GPR37: variants seen among roughly 807,000 people sequenced by gnomAD.
GPR37 encodes G protein-coupled receptor 37, also known as prosaposin receptor GPR37.
Under a neutral mutation model 43.6 loss-of-function variants are expected in GPR37, and 20 were observed. That is an observed-to-expected ratio of 0.46 (90% CI 0.32 to 0.67). The LOEUF is 0.67. Among genes scored for constraint, GPR37 ranks in the 30% least tolerant of loss-of-function variants. The pLI is 0.03. For missense variants in GPR37, 724 were observed against 797.2 expected (o/e 0.91, Z 1.11); for synonymous variants, 315 against 322.6 (o/e 0.98, Z 0.25).
At chr7:124,748,654 T>C (rs1584723393) in intron 1 of GPR37, among the ~76,000 whole-genome samples, 1 of 152,040 alleles carries the variant, frequency 6.6e-6, no homozygotes, top group South Asian at 2.1e-4. Context: ...CAAGAAAATA[T>C]GCAGAAAATA....
chr7:124,747,217 C>A lies in GPR37; in HGVS notation c.1150G>T (p.Ala384Ser). The stretch of plus-strand genomic sequence containing the variant: ...AATAGAGCTCCCACCCATATAACAG[C>A]AAGTTTGGCAGTTGTTGAGGAACAG... Reference protein sequence around the residue: ...ENCSSTTAKLAVIWVGALLLA... With the variant: ...ENCSSTTAKLSVIWVGALLLA... The change falls in exon 2 of 2, where the codon GCT becomes TCT. Residue 384 changes from alanine to serine, a missense_variant. Physicochemically the swap from Ala to Ser is moderately conservative, Grantham distance 99 (BLOSUM62 1). Transcript: ENST00000303921. The A allele has an allele frequency of 6.2e-7, 1 of 1,613,902 alleles. No individual in the cohort carries two copies. Among genetic ancestry groups the A allele is most frequent in the Non-Finnish European group, 8.5e-7 (1 of 1,179,886 alleles).
rs960518172 is a variant in GPR37, at chr7:124,747,429, TA to T, written c.1024-87del. 513 of 734,148 alleles carry T rather than the reference TA, an allele frequency of 7.0e-4. 1 individual carries two copies. Among genetic ancestry groups the T allele is most frequent in the Admixed American group, 1.4e-3 (46 of 32,822 alleles). 45.5% of individuals were successfully genotyped at this position (734,148 alleles called of 1,614,324 possible). A position where few individuals can be genotyped will look rare whatever the true frequency, so the allele number is the denominator to read the frequency against. Reference sequence around the variant, plus strand: ...AAATAAATGCAGATTGGCAAAACTGTAAAAAAAAATATGGATAAATAAAAAT... The same window carrying T: ...AAATAAATGCAGATTGGCAAAACTGTAAAAAAAATATGGATAAATAAAAAT... On this transcript the variant is annotated intron_variant, in intron 1 of 1. Transcript: ENST00000303921.
At chr7:124,758,979 G>A (rs973672659) in intron 1 of GPR37, among the ~76,000 whole-genome samples, 18 of 151,906 alleles carry the variant, frequency 1.2e-4, no homozygotes, top group African/African-American at 3.6e-4. Flanking sequence ...CTGGGATCTC[G>A]GTCAGATGAT....
Position 124,746,898 on chromosome 7 carries a change from A to G in GPR37, c.1469T>C (p.Met490Thr). 5 of 1,614,088 alleles carry G rather than the reference A, an allele frequency of 3.1e-6. No homozygotes were observed. The highest frequency in any genetic ancestry group is 4.2e-6 in the Non-Finnish European group (5 of 1,179,962). Residue 490 changes from methionine to threonine, a missense_variant, in exon 2 of 2, where the codon ATG becomes ACG. By Grantham distance (81) the Met-to-Thr change is moderately conservative. Transcript: ENST00000303921. The part of the protein sequence containing the change: ...NKRQIQLESQ[M>T]NCTVVALTIL... ...GGTCAGTGCCACTACTGTACAGTTC[A>G]TCTGACTCTCTAGTTGAATCTGCCG...
chr7:124,746,424 TTC>T lies in GPR37; in HGVS notation c.*99_*100del, dbSNP rs1384218344. 5 of 846,540 alleles carry T rather than the reference TTC, an allele frequency of 5.9e-6. No individual in the cohort carries two copies. The highest frequency in any genetic ancestry group is 7.4e-6 in the Non-Finnish European group (4 of 542,238). 52.4% of individuals were successfully genotyped at this position (846,540 alleles called of 1,614,324 possible). A position where few individuals can be genotyped will look rare whatever the true frequency, so the allele number is the denominator to read the frequency against. Reference sequence around the variant, plus strand: ...TAGTTAATATTTCTTTCTTTATTGTTTCTTTTTTGCATTTTTCCCTATAAGGA... The same window carrying T: ...TAGTTAATATTTCTTTCTTTATTGTTTTTTTTGCATTTTTCCCTATAAGGA... On this transcript the variant is annotated 3_prime_UTR_variant, in exon 2 of 2. Coordinates refer to ENST00000303921, the MANE Select transcript of GPR37 (RefSeq NM_005302.5).
Position 124,764,743 on chromosome 7 carries a change from T to C in GPR37, c.234A>G (p.Ala78=), listed in dbSNP as rs1308245827. ...CCCAGGAGGGTCCCGCAAGAAACGCTGCCCCCTGCTCCTCCCTGGGTGCTC... is the reference window on the plus strand; with the variant it reads ...CCCAGGAGGGTCCCGCAAGAAACGCCGCCCCCTGCTCCTCCCTGGGTGCTC... ...RARAPREEQG[A]AFLAGPSWDL... Residue 78 remains alanine, a synonymous_variant, in exon 1 of 2, where the codon GCA becomes GCG. Coordinates refer to ENST00000303921, the MANE Select transcript of GPR37 (RefSeq NM_005302.5). The surrounding 1 kb of genome is among the most constrained non-coding windows in gnomAD (Gnocchi z 5.4). 2 of 1,610,906 alleles carry C rather than the reference T, an allele frequency of 1.2e-6. No individual in the cohort carries two copies. The highest frequency in any genetic ancestry group is 1.7e-6 in the Non-Finnish European group (2 of 1,179,718).
At position 124,765,066 on chromosome 7, in the gene GPR37, T is replaced by C. The variant is rs1312852759; in HGVS notation, c.-90A>G. On this transcript the variant is annotated 5_prime_UTR_variant, in exon 1 of 2. The change abolishes an upstream ATG in the 5' untranslated region. Coordinates refer to ENST00000303921, the MANE Select transcript of GPR37 (RefSeq NM_005302.5). ...AAGTTGCTGCTGAGAGTTAGGCACA[T>C]GTCACATACTCACCCCCGCCCGGGT... 2.5e-5 allele frequency: 30 copies of C among 1,222,848 alleles called. No homozygotes were observed. Among genetic ancestry groups the C allele is most frequent in the Non-Finnish European group, 3.0e-5 (28 of 921,762 alleles). 75.7% of individuals were successfully genotyped at this position (1,222,848 alleles called of 1,614,324 possible).
chr7:124,748,502 C>A (rs2299904), intron 1 of GPR37, among the ~76,000 whole-genome samples: 86,351 of 151,834 alleles, frequency 0.57, 25,187 homozygotes, highest in East Asian at 0.81. Flanking sequence ...TCAAAAGTCA[C>A]AATATGCAAG....
chr7:124,757,001 T>C (rs974686499), intron 1 of GPR37, among the ~76,000 whole-genome samples: 2 of 152,192 alleles, frequency 1.3e-5, no homozygotes, highest in Non-Finnish European at 2.9e-5. Flanking sequence ...GAAGGATACT[T>C]TGCTGACATG....
chr7:124,756,847 C>A (rs1207991518), intron 1 of GPR37, among the ~76,000 whole-genome samples: 8 of 152,146 alleles, frequency 5.3e-5, no homozygotes, highest in African/African-American at 1.4e-4. Flanking sequence ...AGACGAATGC[C>A]ATTAAAGGTG....
Position 124,764,442 on chromosome 7 carries a change from G to C in GPR37, c.535C>G (p.Leu179Val). Residue 179 changes from leucine (L) to valine (V), a missense_variant, in exon 1 of 2, where the codon CTT (leucine) becomes GTT (valine). Transcript: ENST00000303921. This position sits in a 1 kb window ranked among gnomAD's most constrained non-coding sequence, Gnocchi z 5.4. ...CCGGCTCTCCTTGGCCAGTAAAAAA[G>C]ATCGCTGGCTCCGGGGACTGTCTTC... ...SVKTVPGASD[L>V]FYWPRRAGKL... 2 of 1,613,716 alleles carry C rather than the reference G, an allele frequency of 1.2e-6. No homozygotes were observed. Among genetic ancestry groups the C allele is most frequent in the Non-Finnish European group, 1.7e-6 (2 of 1,180,044 alleles).
At chr7:124,749,662 A>G (rs372789925) in intron 1 of GPR37, among the ~76,000 whole-genome samples, 7 of 152,122 alleles carry the variant, frequency 4.6e-5, no homozygotes, top group African/African-American at 1.7e-4. Context: ...TAATATGGAA[A>G]ATAAGGACAT....
chr7:124,764,390 G>C lies in GPR37; in HGVS notation c.587C>G (p.Pro196Arg). The stretch of plus-strand genomic sequence containing the variant: ...CAGTCCATTGGCCGTCTTGGACAGG[G>C]GCTTGTGGTGGGAACCCTGGAGTTT... ...AGKLQGSHHKPLSKTANGLAG... is the reference protein window; with the variant it reads ...AGKLQGSHHKRLSKTANGLAG... The change falls in exon 1 of 2, where the codon CCC becomes CGC. Residue 196 changes from proline to arginine, a missense_variant. Pro to Arg is a moderately radical substitution (Grantham distance 103). This residue lies in a region of GPR37 where 382 missense variants were observed against 355.4 expected (regional missense o/e 1.07). Transcript: ENST00000303921. This position sits in a 1 kb window ranked among gnomAD's most constrained non-coding sequence, Gnocchi z 5.4. 6.2e-7 allele frequency: 1 copy of C among 1,613,670 alleles called. No individual in the cohort carries two copies. The highest frequency in any genetic ancestry group is 8.5e-7 in the Non-Finnish European group (1 of 1,180,024).
intron 1 of GPR37, among the ~76,000 whole-genome samples, chr7:124,762,764 G>T (rs1793865583): frequency 1.3e-5 from 2 of 152,170 alleles, no homozygotes; most frequent in African/African-American, 4.8e-5. Flanking sequence ...TCCAGCTTTG[G>T]TCCGTCTAAG....
intron 1 of GPR37, among the ~76,000 whole-genome samples, chr7:124,763,525 A>C (rs1445041675): frequency 6.6e-6 from 1 of 151,230 alleles, no homozygotes; most frequent in East Asian, 1.9e-4. Context: ...TTGGGGGAAA[A>C]CTCACATTGA....
Position 124,746,443 on chromosome 7 carries a change from CTA to C in GPR37, c.*80_*81del. The C allele has an allele frequency of 9.8e-7, 1 of 1,025,444 alleles. No homozygotes were observed. The highest frequency in any genetic ancestry group is 1.4e-6 in the Non-Finnish European group (1 of 714,568). The allele number at this position is 1,025,444 out of a possible 1,614,324, so 63.5% of individuals were successfully genotyped here. Reference sequence around the variant, plus strand: ...TATTGTTTCTTTTTTGCATTTTTCCCTATAAGGAAAAATATGAATTAAAAACT... The same window carrying C: ...TATTGTTTCTTTTTTGCATTTTTCCCTAAGGAAAAATATGAATTAAAAACT... On this transcript the variant is annotated 3_prime_UTR_variant, in exon 2 of 2. Transcript: ENST00000303921.
chr7:124,762,897 T>C (rs1050542358), intron 1 of GPR37, among the ~76,000 whole-genome samples: 1 of 152,174 alleles, frequency 6.6e-6, no homozygotes, highest in African/African-American at 2.4e-5. Flanking sequence ...TTTCCCTTCT[T>C]CTGCTTCCAT....
At chr7:124,763,053 G>C (rs1357526619) in intron 1 of GPR37, among the ~76,000 whole-genome samples, 1 of 152,122 alleles carries the variant, frequency 6.6e-6, no homozygotes, top group Non-Finnish European at 1.5e-5. Flanking sequence ...ACAATAGTGG[G>C]CCAGGACACT....
intron 1 of GPR37, among the ~76,000 whole-genome samples, chr7:124,760,282 T>C (rs530413849): frequency 6.6e-6 from 1 of 152,108 alleles, no homozygotes; most frequent in African/African-American, 2.4e-5. Flanking sequence ...TGTCAAAAAA[T>C]TTTTAAAAGT....
Sources: allele counts gnomAD v4.1 joint callset (sites outside exome capture counted in the v4.1 genomes callset), GRCh38; gene constraint gnomAD v4.1.1; regional missense constraint gnomAD v4.1.1; non-coding constraint Gnocchi (gnomAD v3.1); transcripts MANE v1.5; gene names NCBI Gene and HGNC (gene_info 2026-07-23, HGNC 2026-07-21).